PRDM16: variants seen among roughly 807,000 people sequenced by gnomAD.
PRDM16 encodes PR/SET domain 16.
A neutral mutation model predicts 110.6 loss-of-function variants in PRDM16; 23 were observed. The observed-to-expected ratio is 0.21, with a 90% CI of 0.15 to 0.29. The LOEUF is 0.29. PRDM16 is among the 10% of genes least tolerant of loss of function. PRDM16 has a pLI of 1.00. For missense variants in PRDM16, 1,615 were observed against 1,794.3 expected (o/e 0.90, Z 1.81); for synonymous variants, 799 against 781.8 (o/e 1.02, Z -0.37).
At chr1:3,227,864 C>T (rs1400881082) in intron 2 of PRDM16, among the ~76,000 whole-genome samples, 1 of 152,222 alleles carries the variant, frequency 6.6e-6, no homozygotes, top group African/African-American at 2.4e-5. Context: ...CAGCCAGGGG[C>T]TTTAGAGCCG....
intron 1 of PRDM16, among the ~76,000 whole-genome samples, chr1:3,106,890 G>T (rs931286751): frequency 6.6e-6 from 1 of 152,182 alleles, no homozygotes; most frequent in Non-Finnish European, 1.5e-5. Flanking sequence ...TAGTGGGCAG[G>T]TGTGGCTCCA....
chr1:3,296,687 T>G (rs191367021), intron 3 of PRDM16, among the ~76,000 whole-genome samples: 1 of 152,130 alleles, frequency 6.6e-6, no homozygotes, highest in Non-Finnish European at 1.5e-5. Context: ...ATGGGCAGCC[T>G]GGATGCAGAG....
rs2100692894 is a variant in PRDM16, at chr1:3,425,933, C to G, written c.3110-118C>G. The G allele has an allele frequency of 3.9e-6, 5 of 1,293,622 alleles. No homozygotes were observed. The South Asian group carries it at 5.9e-5, about 15-fold the overall frequency. 80.1% of individuals were successfully genotyped at this position (1,293,622 alleles called of 1,614,324 possible). A position where few individuals can be genotyped will look rare whatever the true frequency, so the allele number is the denominator to read the frequency against. ...AAGAGAACCTCGTGCTCTCCGGTGT[C>G]CCTAAGAAACCTGCCTCCCTAACAG... On this transcript the variant is annotated intron_variant, in intron 13 of 16. Coordinates refer to ENST00000270722, the MANE Select transcript of PRDM16 (RefSeq NM_022114.4). The surrounding 1 kb of genome is among the most constrained non-coding windows in gnomAD (Gnocchi z 6.9).
At chr1:3,138,963 C>T (rs906973293) in intron 1 of PRDM16, among the ~76,000 whole-genome samples, 10 of 152,168 alleles carry the variant, frequency 6.6e-5, no homozygotes, top group Non-Finnish European at 1.0e-4. Flanking sequence ...ACCTCCCCCT[C>T]GGCCAGTTTT....
chr1:3,426,663 T>TGCACAC (rs1462736030), intron 14 of PRDM16, among the ~76,000 whole-genome samples: 2 of 151,954 alleles, frequency 1.3e-5, no homozygotes, highest in Non-Finnish European at 2.9e-5. Flanking sequence ...CATGCACACA[T>TGCACAC]AGGTATGCCC....
Position 3,438,600 on chromosome 1 carries a change from A to G in PRDM16, c.*4789A>G, listed in dbSNP as rs568190709. 1.6e-5 allele frequency: 3 copies of G among 187,694 alleles called. No individual in the cohort carries two copies. Among genetic ancestry groups the G allele is most frequent in the East Asian group, 8.6e-5 (1 of 11,638 alleles). 11.6% of individuals were successfully genotyped at this position (187,694 alleles called of 1,614,324 possible). On this transcript the variant is annotated 3_prime_UTR_variant, in exon 17 of 17. Coordinates refer to ENST00000270722, the MANE Select transcript of PRDM16 (RefSeq NM_022114.4). ...AATTTATACATGAGATTGATATGCA[A>G]TAAATCTGTGTGCTTTTCTAAGCCT...
At chr1:3,162,314 C>T (rs568297721) in intron 1 of PRDM16, among the ~76,000 whole-genome samples, 1 of 152,262 alleles carries the variant, frequency 6.6e-6, no homozygotes, top group East Asian at 1.9e-4. Context: ...ACAGAAACTC[C>T]GTGCCCGGTA....
At chr1:3,106,147 A>G (rs2993495) in intron 1 of PRDM16, among the ~76,000 whole-genome samples, 81,795 of 149,180 alleles carry the variant, frequency 0.55, 23,660 homozygotes, top group East Asian at 0.83. Context: ...GAGTCCTGGC[A>G]GGGTGGGCGG....
At position 3,143,556 on chromosome 1, in the gene PRDM16, C is replaced by T. The variant is rs1008554786; in HGVS notation, c.38-42569C>T. Reference sequence around the variant, plus strand: ...GCACTGGCGCAATCTCCGCTCACTGCAGTCTCTGCCTCCCGGGTTCAAGGA... The same window carrying T: ...GCACTGGCGCAATCTCCGCTCACTGTAGTCTCTGCCTCCCGGGTTCAAGGA... On this transcript the variant is annotated intron_variant, in intron 1 of 16. Coordinates refer to ENST00000270722, the MANE Select transcript of PRDM16 (RefSeq NM_022114.4). This position sits in a 1 kb window ranked among gnomAD's most constrained non-coding sequence, Gnocchi z 4.5. Among the ~76,000 whole-genome samples the T allele has an allele frequency of 5.9e-5, 9 of 152,322 alleles. 1 individual carries two copies. The highest frequency in any genetic ancestry group is 1.3e-4 in the Admixed American group (2 of 15,306).
Position 3,175,013 on chromosome 1 carries a change from A to G in PRDM16, c.38-11112A>G, listed in dbSNP as rs1451934886. Among the ~76,000 whole-genome samples the G allele has an allele frequency of 6.6e-6, 1 of 152,174 alleles. No individual in the cohort carries two copies. Among genetic ancestry groups the G allele is most frequent in the African/African-American group, 2.4e-5 (1 of 41,448 alleles). On this transcript the variant is annotated intron_variant, in intron 1 of 16. Transcript: ENST00000270722. This position sits in a 1 kb window ranked among gnomAD's most constrained non-coding sequence, Gnocchi z 4.8. ...GAATGCCAATGAGTCCCAGTGCCGC[A>G]GGGCAGCCGCGGTCCCGGGCTGGTC... is the stretch of plus-strand genomic sequence containing the variant.
chr1:3,161,254 AAC>A (rs139952356), intron 1 of PRDM16, among the ~76,000 whole-genome samples: 2 of 152,142 alleles, frequency 1.3e-5, no homozygotes, highest in African/African-American at 4.8e-5. Flanking sequence ...CTCACCAGCA[AAC>A]ACACACACAC....
rs956659032 is a variant in PRDM16 at position 3,209,753 on chromosome 1, G to T, written c.387+23279G>T. The stretch of plus-strand genomic sequence containing the variant: ...GCCCCTTCCCTGAGGGTTGGGCCAG[G>T]AACTTGTCTTGTAGTTTCCTGAGCA... On this transcript the variant is annotated intron_variant, in intron 2 of 16. Transcript: ENST00000270722. The surrounding 1 kb of genome is among the most constrained non-coding windows in gnomAD (Gnocchi z 4.6). Among the ~76,000 whole-genome samples the T allele has an allele frequency of 1.3e-5, 2 of 152,174 alleles. No individual in the cohort carries two copies. Among genetic ancestry groups the T allele is most frequent in the African/African-American group, 4.8e-5 (2 of 41,446 alleles).
rs1003056920 is a variant in PRDM16 at position 3,143,068 on chromosome 1, C to T, written c.38-43057C>T. Among the ~76,000 whole-genome samples the T allele has an allele frequency of 6.6e-5, 10 of 152,230 alleles. No individual in the cohort carries two copies. The highest frequency in any genetic ancestry group is 1.9e-4 in the East Asian group (1 of 5,190). On this transcript the variant is annotated intron_variant, in intron 1 of 16. Coordinates refer to ENST00000270722, the MANE Select transcript of PRDM16 (RefSeq NM_022114.4). This position sits in a 1 kb window ranked among gnomAD's most constrained non-coding sequence, Gnocchi z 4.5. ...ACATAGGGGCTGGAGAATTCGTACC[C>T]GCGGGCACCCATGGAAGCCTGAGCT...
Position 3,140,499 on chromosome 1 carries a change from C to T in PRDM16, c.38-45626C>T, listed in dbSNP as rs1015430084. Among the ~76,000 whole-genome samples the T allele has an allele frequency of 7.2e-5, 11 of 152,166 alleles. No homozygotes were observed. In the East Asian group the frequency reaches 2.1e-3, roughly 29 times the overall value. ...GCCTGTCTCTGCAGAGAACCGGCCC[C>T]GACCATGGTTTCCACTCCCTCGCTG... On this transcript the variant is annotated intron_variant, in intron 1 of 16. Transcript: ENST00000270722.
Position 3,226,443 on chromosome 1 carries a change from C to A in PRDM16, c.388-17644C>A, listed in dbSNP as rs1569878867. 2.0e-5 allele frequency among the ~76,000 whole-genome samples: 3 copies of A among 152,166 alleles called. 1 individual carries two copies. The East Asian group carries it at 5.8e-4, about 29-fold the overall frequency. On this transcript the variant is annotated intron_variant, in intron 2 of 16. Coordinates refer to ENST00000270722, the MANE Select transcript of PRDM16 (RefSeq NM_022114.4). The stretch of plus-strand genomic sequence containing the variant: ...TCTAGAGCATCTGGCCCCATCTTGG[C>A]CGTCTCTGCTCGCTCAGAGACATAA...
At chr1:3,366,089 C>T (rs899214517) in intron 3 of PRDM16, among the ~76,000 whole-genome samples, 10 of 152,212 alleles carry the variant, frequency 6.6e-5, no homozygotes, top group African/African-American at 2.4e-4. Context: ...GGGAAGATGG[C>T]GAAGAGGTGA....
At chr1:3,133,086 A>G (rs1358806156) in intron 1 of PRDM16, 1 of 152,298 alleles carries the variant, frequency 6.6e-6, no homozygotes, top group African/African-American at 2.4e-5. Context: ...GGTCACTGCC[A>G]GACTGAGTGG....
chr1:3,085,017 C>T (rs1274155523), intron 1 of PRDM16, among the ~76,000 whole-genome samples: 4 of 152,260 alleles, frequency 2.6e-5, no homozygotes, highest in Admixed American at 2.0e-4. Flanking sequence ...GGTTTCTGCC[C>T]AGCATCCAGC....
At chr1:3,168,443 G>A (rs1050896676) in intron 1 of PRDM16, among the ~76,000 whole-genome samples, 11 of 149,888 alleles carry the variant, frequency 7.3e-5, no homozygotes, top group South Asian at 2.2e-4. Context: ...CAACCCCCGC[G>A]GTGGAAGGAA....
Sources: gnomAD v4.1 joint callset for allele counts (sites outside exome capture counted in the v4.1 genomes callset) on GRCh38, gnomAD v4.1.1 for gene constraint, Gnocchi (gnomAD v3.1) non-coding constraint, MANE v1.5 for transcripts, NCBI Gene and HGNC (gene_info 2026-07-23, HGNC 2026-07-21) for gene names.